CADPS2: variants seen among roughly 807,000 people sequenced by gnomAD.
CADPS2 encodes the protein calcium-dependent secretion activator 2.
Under a neutral mutation model 172.5 loss-of-function variants are expected in CADPS2, and 93 were observed. That is an observed-to-expected ratio of 0.54 (90% CI 0.46 to 0.64). The LOEUF (loss-of-function observed/expected upper bound fraction) is 0.64, where lower values mean the gene tolerates loss of function less well. Ranked by LOEUF, CADPS2 falls within the 30% of genes least tolerant of loss-of-function variation. CADPS2 has a pLI of 0.00. For missense variants in CADPS2, 1,420 were observed against 1,565.9 expected, an observed-to-expected ratio of 0.91 and a Z score of 1.57; for synonymous variants, 546 against 555.2, an observed-to-expected ratio of 0.98 and a Z score of 0.23.
intron 14 of CADPS2, among the ~76,000 whole-genome samples, chr7:122,466,079 C>T (rs1158408775): frequency 1.3e-5 from 2 of 152,122 alleles, no homozygotes; most frequent in South Asian, 2.1e-4. Context: ...TAACTATTGA[C>T]GAGAAGAAGG....
At chr7:122,689,429 C>T (rs756929772) in intron 2 of CADPS2, among the ~76,000 whole-genome samples, 9 of 152,204 alleles carry the variant, frequency 5.9e-5, no homozygotes, top group Non-Finnish European at 1.3e-4. Flanking sequence ...ATTCAGGGCC[C>T]GAGCTGTGTG....
chr7:122,822,225 T>C (rs1792965249), intron 1 of CADPS2, among the ~76,000 whole-genome samples: 1 of 151,858 alleles, frequency 6.6e-6, no homozygotes, highest in Non-Finnish European at 1.5e-5. Context: ...GTCGTCCCAA[T>C]TCTTAGACCT....
At chr7:122,487,176 A>G (rs1398222632) in intron 11 of CADPS2, among the ~76,000 whole-genome samples, 2 of 151,776 alleles carry the variant, frequency 1.3e-5, no homozygotes, top group Non-Finnish European at 2.9e-5. Context: ...ATGCTCAGCT[A>G]ATTTTGCATT....
At chr7:122,385,085 A>G (rs2043460291) in intron 24 of CADPS2, among the ~76,000 whole-genome samples, 1 of 152,072 alleles carries the variant, frequency 6.6e-6, no homozygotes, top group East Asian at 1.9e-4. Context: ...TCTCAGGCAG[A>G]CAATCAAAGG....
chr7:122,533,232 A>C (rs2061937606), intron 8 of CADPS2, among the ~76,000 whole-genome samples: 1 of 152,152 alleles, frequency 6.6e-6, no homozygotes. Flanking sequence ...ATCTTTATTA[A>C]TATGTAGAAA....
Position 122,319,372 on chromosome 7 carries a change from A to G in CADPS2, c.*793T>C, listed in dbSNP as rs1407695043. ...ACCTCTTTTACTGCATTTGCTCTAT[A>G]TAAGTCTAATAAATACAGAAGTAGT... On this transcript the variant is annotated 3_prime_UTR_variant, in exon 30 of 30. Coordinates refer to ENST00000449022, the MANE Select transcript of CADPS2 (RefSeq NM_017954.11). 2.0e-5 allele frequency: 3 copies of G among 152,316 alleles called. No homozygotes were observed. The highest frequency in any genetic ancestry group is 2.1e-4 in the South Asian group (1 of 4,798). 9.4% of individuals were successfully genotyped at this position (152,316 alleles called of 1,614,324 possible). A position where few individuals can be genotyped will look rare whatever the true frequency, so the allele number is the denominator to read the frequency against.
At chr7:122,706,264 AT>A (rs2087447276) in intron 2 of CADPS2, among the ~76,000 whole-genome samples, 1 of 17,926 alleles carries the variant, frequency 5.6e-5, no homozygotes. Context: ...CAAGGAATAT[AT>A]ATATGTTTAT....
At chr7:122,634,091 G>C (rs1587998920) in intron 3 of CADPS2, among the ~76,000 whole-genome samples, 3 of 152,228 alleles carry the variant, frequency 2.0e-5, no homozygotes, top group Admixed American at 2.0e-4. Context: ...TGGTAGTATT[G>C]TATTGAGGAG....
Position 122,414,018 on chromosome 7 carries a change from A to G in CADPS2, c.2589+50T>C, listed in dbSNP as rs755741004. 3.4e-6 allele frequency: 5 copies of G among 1,480,526 alleles called. No individual in the cohort carries two copies. In the African/African-American group the frequency reaches 5.7e-5, roughly 17 times the overall value. The allele number at this position is 1,480,526 out of a possible 1,614,324, so 91.7% of individuals were successfully genotyped here. A position where few individuals can be genotyped will look rare whatever the true frequency, so the allele number is the denominator to read the frequency against. ...AGAGTAGATTGTATTTTAAATTCACATAAAAGAGGTATCCTATGCTAATAA... is the reference window on the plus strand; with the variant it reads ...AGAGTAGATTGTATTTTAAATTCACGTAAAAGAGGTATCCTATGCTAATAA... On this transcript the variant is annotated intron_variant, in intron 19 of 29. Transcript: ENST00000449022.
At chr7:122,610,416 T>G (rs1010099080) in intron 6 of CADPS2, among the ~76,000 whole-genome samples, 8 of 147,224 alleles carry the variant, frequency 5.4e-5, no homozygotes, top group African/African-American at 2.0e-4. Context: ...TAAGATTCTG[T>G]AGAAACTACG....
rs1437471746 is a variant in CADPS2, at chr7:122,416,107, T to C, written c.2534A>G (p.Glu845Gly). 17 of 1,554,876 alleles carry C rather than the reference T, an allele frequency of 1.1e-5. No homozygotes were observed. Among genetic ancestry groups the C allele is most frequent in the Non-Finnish European group, 1.4e-5 (16 of 1,145,984 alleles). The change falls in exon 18 of 30, where the codon GAG (glutamate) becomes GGG (glycine). Residue 845 changes from glutamate to glycine, a missense_variant. Transcript: ENST00000449022. ...RKLEEILHLAELCIEVLQQNE... is the reference protein window; with the variant it reads ...RKLEEILHLAGLCIEVLQQNE... ...CTGCTGTAAGACTTCTATGCAGAGC[T>C]CTGCCAGATGAAGAATCTCTTCCAG...
intron 1 of CADPS2, among the ~76,000 whole-genome samples, chr7:122,853,209 CAGG>C (rs142075016): frequency 0.036 from 5,500 of 152,228 alleles, 181 homozygotes; most frequent in East Asian, 0.13. Flanking sequence ...GAGATACTAG[CAGG>C]AGATCAGATA....
intron 11 of CADPS2, among the ~76,000 whole-genome samples, chr7:122,484,091 G>A (rs2057564079): frequency 6.6e-6 from 1 of 152,140 alleles, no homozygotes; most frequent in Admixed American, 6.6e-5. Flanking sequence ...AGCAAGGAAT[G>A]TCAAGATGTT....
At chr7:122,874,308 T>C (rs1820631800) in intron 1 of CADPS2, among the ~76,000 whole-genome samples, 1 of 152,088 alleles carries the variant, frequency 6.6e-6, no homozygotes, top group Non-Finnish European at 1.5e-5. Context: ...ATAAAACATC[T>C]AGGAATACAA....
At chr7:122,345,848 TAA>T (rs908810714) in intron 27 of CADPS2, among the ~76,000 whole-genome samples, 167 bp from the exon 28 acceptor site, 6 of 149,978 alleles carry the variant, frequency 4.0e-5, no homozygotes, top group African/African-American at 1.2e-4. Context: ...TTAAAGCAAA[TAA>T]AAGTTTATTA....
chr7:122,720,276 G>A (rs2090203743), intron 2 of CADPS2, among the ~76,000 whole-genome samples: 1 of 151,886 alleles, frequency 6.6e-6, no homozygotes, highest in Non-Finnish European at 1.5e-5. Context: ...AGGAATTTGA[G>A]AGGACACGCA....
chr7:122,771,334 A>T (rs2093698179), intron 1 of CADPS2, among the ~76,000 whole-genome samples: 1 of 152,240 alleles, frequency 6.6e-6, no homozygotes, highest in Non-Finnish European at 1.5e-5. Flanking sequence ...GGAAAATACC[A>T]GGCTATGGAT....
At chr7:122,517,394 T>C (rs918603754) in intron 8 of CADPS2, among the ~76,000 whole-genome samples, 15 of 152,102 alleles carry the variant, frequency 9.9e-5, no homozygotes, top group Non-Finnish European at 2.1e-4. Context: ...TAGGCATGTC[T>C]TCATTTCTCC....
intron 6 of CADPS2, among the ~76,000 whole-genome samples, chr7:122,604,319 T>C (rs971164699): frequency 5.3e-5 from 8 of 152,092 alleles, no homozygotes; most frequent in African/African-American, 1.9e-4. Context: ...GCTATCTCCA[T>C]TTGCTCTCTA....
Sources: allele counts gnomAD v4.1 joint callset (sites outside exome capture counted in the v4.1 genomes callset), GRCh38; gene constraint gnomAD v4.1.1; transcripts MANE v1.5; gene names NCBI Gene and HGNC (gene_info 2026-07-23, HGNC 2026-07-21).